The following GPR139 variants were observed in gnomAD, a reference collection of about 807,000 sequenced individuals.
GPR139 encodes the protein probable G protein-coupled receptor 139.
In GPR139, 12 loss-of-function variants were observed where a neutral mutation model predicts 25.8. The observed-to-expected ratio is 0.47, with a 90% confidence interval of 0.30 to 0.75. The LOEUF (loss-of-function observed/expected upper bound fraction) is 0.75, where lower values mean the gene tolerates loss of function less well. GPR139 is among the 30% of genes least tolerant of loss of function. The pLI is 0.07. For missense variants in GPR139, 380 were observed against 450.2 expected, an observed-to-expected ratio of 0.84 and a Z score of 1.41; for synonymous variants, 184 against 179.9, an observed-to-expected ratio of 1.02 and a Z score of -0.18.
rs910321468 is a variant in GPR139 at position 20,030,334 on chromosome 16, T to G, written c.*1401A>C. Among the ~76,000 whole-genome samples, 6 of 151,918 alleles carry G rather than the reference T, an allele frequency of 3.9e-5. No individual in the cohort carries two copies. The highest frequency in any genetic ancestry group is 4.2e-4 in the South Asian group (2 of 4,816). On this transcript the variant is annotated 3_prime_UTR_variant, in exon 2 of 2. Transcript: ENST00000570682. ...TTCAAAGTCAGTTTGGCAAATTTAT[T>G]CCAAAACAGGGATGAATTCGAATAC...
intron 1 of GPR139, among the ~76,000 whole-genome samples, chr16:20,056,960 AG>A (rs1352408442): frequency 1.3e-5 from 2 of 152,208 alleles, no homozygotes; most frequent in Non-Finnish European, 2.9e-5. Context: ...AATAATCTCA[AG>A]TAATTAAAAC....
At chr16:20,069,435 T>C (rs2057451041) in intron 1 of GPR139, among the ~76,000 whole-genome samples, 1 of 152,214 alleles carries the variant, frequency 6.6e-6, no homozygotes, top group South Asian at 2.1e-4. Flanking sequence ...TCTGCAGGCC[T>C]CAGTCCAGCT....
rs1222757131 is a variant in GPR139 at position 20,031,386 on chromosome 16, G to A, written c.*349C>T. The A allele has an allele frequency of 3.7e-6, 1 of 273,924 alleles. No homozygotes were observed. Among genetic ancestry groups the A allele is most frequent in the Non-Finnish European group, 6.9e-6 (1 of 144,800 alleles). The allele number at this position is 273,924 out of a possible 1,614,324, so 17.0% of individuals were successfully genotyped here. A position where few individuals can be genotyped will look rare whatever the true frequency, so the allele number is the denominator to read the frequency against. ...GCTTGGTAAGTCCCATAAATGAAGGGTTCCCAGTGACTGTGGATGGTACCA... is the reference window on the plus strand; with the variant it reads ...GCTTGGTAAGTCCCATAAATGAAGGATTCCCAGTGACTGTGGATGGTACCA... On this transcript the variant is annotated 3_prime_UTR_variant, in exon 2 of 2. Coordinates refer to ENST00000570682, the MANE Select transcript of GPR139 (RefSeq NM_001002911.4).
At chr16:20,056,322 C>A (rs1428512560) in intron 1 of GPR139, among the ~76,000 whole-genome samples, 1 of 152,220 alleles carries the variant, frequency 6.6e-6, no homozygotes, top group African/African-American at 2.4e-5. Flanking sequence ...CTAGACTCTG[C>A]CCTTCCTGAG....
chr16:20,028,763 C>T lies in GPR139; in HGVS notation c.*2972G>A, dbSNP rs747360802. Among the ~76,000 whole-genome samples, 13 of 152,158 alleles carry T rather than the reference C, an allele frequency of 8.5e-5. No individual in the cohort carries two copies. The highest frequency in any genetic ancestry group is 1.6e-4 in the Non-Finnish European group (11 of 68,018). On this transcript the variant is annotated 3_prime_UTR_variant, in exon 2 of 2. Coordinates refer to ENST00000570682, the MANE Select transcript of GPR139 (RefSeq NM_001002911.4). ...AAAGACACAGCATGGTGGTGCGTAT[C>T]ATCATTGCAATGTCCAACCAAGGAC... is the stretch of plus-strand genomic sequence containing the variant.
In GPR139 at chr16:20,029,034, TTAGA is replaced by T. The variant is rs1276150860; in HGVS notation, c.*2697_*2700del. Reference sequence around the variant, plus strand: ...TTACTATAAATAATAATAAAAGTCCTTAGATAGTTTGAAATAAATTTTAAGAGAT... The same window carrying T: ...TTACTATAAATAATAATAAAAGTCCTTAGTTTGAAATAAATTTTAAGAGAT... On this transcript the variant is annotated 3_prime_UTR_variant, in exon 2 of 2. Transcript: ENST00000570682. 6.6e-6 allele frequency among the ~76,000 whole-genome samples: 1 copy of T among 152,178 alleles called. No individual in the cohort carries two copies. Among genetic ancestry groups the T allele is most frequent in the Non-Finnish European group, 1.5e-5 (1 of 68,036 alleles).
chr16:20,073,885 G>A lies in GPR139; in HGVS notation c.-269C>T, dbSNP rs1180226395. The stretch of plus-strand genomic sequence containing the variant: ...GCCTCGGGAGGGGCTCCCGGAGCCC[G>A]TCTGTGCGCCTCCCACCTCGGACCC... On this transcript the variant is annotated 5_prime_UTR_variant, in exon 1 of 2. The change creates a new upstream start codon in the 5' untranslated region. Transcript: ENST00000570682. This position sits in a 1 kb window ranked among gnomAD's most constrained non-coding sequence, Gnocchi z 4.7. 4.9e-6 allele frequency: 2 copies of A among 404,280 alleles called. No homozygotes were observed. The highest frequency in any genetic ancestry group is 8.7e-6 in the Non-Finnish European group (2 of 228,690). 25.0% of individuals were successfully genotyped at this position (404,280 alleles called of 1,614,324 possible). A position where few individuals can be genotyped will look rare whatever the true frequency, so the allele number is the denominator to read the frequency against.
Position 20,041,091 on chromosome 16 carries a change from C to T in GPR139, c.128-8422G>A, listed in dbSNP as rs531672907. On this transcript the variant is annotated intron_variant, in intron 1 of 1. Coordinates refer to ENST00000570682, the MANE Select transcript of GPR139 (RefSeq NM_001002911.4). ...TTCCACTGCACTCCAGCCTGGGCGA[C>T]AGAGTGAGACTCTGACCCAGAAAGG... is the stretch of plus-strand genomic sequence containing the variant. Among the ~76,000 whole-genome samples, 14 of 124,870 alleles carry T rather than the reference C, an allele frequency of 1.1e-4. 1 individual carries two copies. In the South Asian group the frequency reaches 3.5e-3, roughly 31 times the overall value. 81.9% of individuals were successfully genotyped at this position (124,870 alleles called of 152,430 possible).
At chr16:20,058,587 T>C (rs201424314) in intron 1 of GPR139, among the ~76,000 whole-genome samples, 1 of 152,176 alleles carries the variant, frequency 6.6e-6, no homozygotes, top group Non-Finnish European at 1.5e-5. Flanking sequence ...GCGAGCTATG[T>C]CTGCCATTTT....
At chr16:20,045,291 C>G (rs975540972) in intron 1 of GPR139, among the ~76,000 whole-genome samples, 1 of 152,082 alleles carries the variant, frequency 6.6e-6, no homozygotes, top group African/African-American at 2.4e-5. Context: ...TGAGAGATTG[C>G]GCCTGGCCAC....
chr16:20,037,457 A>AG (rs370375099), intron 1 of GPR139, among the ~76,000 whole-genome samples: 1 of 151,358 alleles, frequency 6.6e-6, no homozygotes, highest in African/African-American at 2.4e-5. Context: ...GTCTCAGAAA[A>AG]AAAAAAAAAA....
intron 1 of GPR139, among the ~76,000 whole-genome samples, chr16:20,064,574 G>A (rs2057425010): frequency 6.6e-6 from 1 of 152,170 alleles, no homozygotes; most frequent in East Asian, 1.9e-4. Flanking sequence ...ATAAGTTAAT[G>A]CATTTGAAGT....
chr16:20,040,302 G>A (rs2057325433), intron 1 of GPR139, among the ~76,000 whole-genome samples: 1 of 151,774 alleles, frequency 6.6e-6, no homozygotes, highest in Non-Finnish European at 1.5e-5. Context: ...AAGTTTTGGG[G>A]TTTGCTATGC....
At chr16:20,052,573 G>A (rs939815054) in intron 1 of GPR139, among the ~76,000 whole-genome samples, 1 of 152,128 alleles carries the variant, frequency 6.6e-6, no homozygotes, top group Non-Finnish European at 1.5e-5. Context: ...CGAGGTGGGC[G>A]GATCACGAGG....
At chr16:20,043,065 T>A (rs752487854) in intron 1 of GPR139, among the ~76,000 whole-genome samples, 2 of 152,226 alleles carry the variant, frequency 1.3e-5, no homozygotes, top group African/African-American at 2.4e-5. Context: ...ACCAGAACAG[T>A]TGAGACCGAG....
At chr16:20,038,322 T>C (rs1316507456) in intron 1 of GPR139, among the ~76,000 whole-genome samples, 1 of 122,914 alleles carries the variant, frequency 8.1e-6, no homozygotes, top group East Asian at 2.6e-4. Context: ...TCCTGGATAA[T>C]ATATATATGT....
At chr16:20,034,280 G>T (rs2057302373) in intron 1 of GPR139, among the ~76,000 whole-genome samples, 1 of 152,096 alleles carries the variant, frequency 6.6e-6, no homozygotes, top group African/African-American at 2.4e-5. Context: ...TCATACAATA[G>T]TTCACATGTA....
At chr16:20,051,707 T>C (rs894160383) in intron 1 of GPR139, among the ~76,000 whole-genome samples, 3 of 152,218 alleles carry the variant, frequency 2.0e-5, no homozygotes, top group Non-Finnish European at 2.9e-5. Context: ...CTCTGCACCC[T>C]GGGAGGAGGC....
intron 1 of GPR139, among the ~76,000 whole-genome samples, chr16:20,062,238 G>A (rs528457186): frequency 6.6e-6 from 1 of 152,306 alleles, no homozygotes; most frequent in East Asian, 1.9e-4. Context: ...CAATGTGATG[G>A]GACTAGGAAA....
Sources: allele counts gnomAD v4.1 joint callset (sites outside exome capture counted in the v4.1 genomes callset), GRCh38; gene constraint gnomAD v4.1.1; non-coding constraint Gnocchi (gnomAD v3.1); transcripts MANE v1.5; gene names NCBI Gene and HGNC (gene_info 2026-07-23, HGNC 2026-07-21).